The following B3GALT1 variants were observed in gnomAD, a reference collection of about 807,000 sequenced individuals.
The protein encoded by B3GALT1 is UDP-Gal:betaGlcNAc beta 1,3-galactosyltransferase, polypeptide 1.
In B3GALT1, 10 loss-of-function variants were observed where a neutral mutation model predicts 23.2. That is an observed-to-expected ratio of 0.43 (90% CI 0.27 to 0.73). The LOEUF (loss-of-function observed/expected upper bound fraction) is 0.73, where lower values mean the gene tolerates loss of function less well. B3GALT1 is among the 30% of genes least tolerant of loss of function. The pLI is 0.21. For missense variants in B3GALT1, 299 were observed against 405.4 expected, an observed-to-expected ratio of 0.74 and a Z score of 2.25; for synonymous variants, 156 against 141.5, an observed-to-expected ratio of 1.10 and a Z score of -0.73.
chr2:167,574,115 AG>A (rs1558911743), intron 2 of B3GALT1, among the ~76,000 whole-genome samples: 1 of 151,694 alleles, frequency 6.6e-6, no homozygotes, highest in Non-Finnish European at 1.5e-5. Flanking sequence ...TCAGGATATA[AG>A]AAAGAATATA....
At chr2:167,474,786 A>G (rs1443362367) in intron 1 of B3GALT1, among the ~76,000 whole-genome samples, 4 of 152,110 alleles carry the variant, frequency 2.6e-5, no homozygotes, top group Non-Finnish European at 5.9e-5. Flanking sequence ...CTAAAATTTG[A>G]TGTGATTTTT....
intron 1 of B3GALT1, among the ~76,000 whole-genome samples, chr2:167,422,480 A>G (rs1047852721): frequency 8.5e-5 from 13 of 152,206 alleles, no homozygotes; most frequent in African/African-American, 2.9e-4. Context: ...TTGCTGAAGC[A>G]TGGTTACATA....
rs868278675 is a variant in B3GALT1, at chr2:167,805,016, A to G, written c.-351-13656A>G. Among the ~76,000 whole-genome samples the G allele has an allele frequency of 2.7e-3, 407 of 152,278 alleles. 1 individual carries two copies. Among genetic ancestry groups the G allele is most frequent in the African/African-American group, 9.2e-3 (383 of 41,544 alleles). ...GTTTCCTGACTTTTTAATGATCACC[A>G]TTCTAACTGGTGTGAGATGGTATCT... is the stretch of plus-strand genomic sequence containing the variant. On this transcript the variant is annotated intron_variant, in intron 3 of 4. Coordinates refer to ENST00000392690, the MANE Select transcript of B3GALT1 (RefSeq NM_020981.4).
chr2:167,803,255 C>T (rs1688676133), intron 3 of B3GALT1, among the ~76,000 whole-genome samples: 1 of 152,148 alleles, frequency 6.6e-6, no homozygotes, highest in East Asian at 1.9e-4. Flanking sequence ...AATGGGTCAT[C>T]ATTTAATTTT....
intron 1 of B3GALT1, among the ~76,000 whole-genome samples, chr2:167,489,614 A>G (rs1699676555): frequency 6.6e-6 from 1 of 152,174 alleles, no homozygotes; most frequent in Non-Finnish European, 1.5e-5. Flanking sequence ...GGCAGAACAC[A>G]CTTTTTCACT....
intron 2 of B3GALT1, among the ~76,000 whole-genome samples, chr2:167,523,535 C>T (rs1256821098): frequency 6.6e-6 from 1 of 152,002 alleles, no homozygotes; most frequent in East Asian, 1.9e-4. Context: ...AAGCAATTCT[C>T]CTGCCTCAGC....
intron 3 of B3GALT1, among the ~76,000 whole-genome samples, chr2:167,670,694 C>G (rs1347604107): frequency 6.6e-6 from 1 of 151,928 alleles, no homozygotes; most frequent in Non-Finnish European, 1.5e-5. Context: ...TGATGTCTAA[C>G]AAGATAGAAA....
At chr2:167,421,717 A>G (rs1044824053) in intron 1 of B3GALT1, among the ~76,000 whole-genome samples, 1 of 152,210 alleles carries the variant, frequency 6.6e-6, no homozygotes, top group African/African-American at 2.4e-5. Context: ...ACTAAATTGC[A>G]TATGCAGTTC....
intron 1 of B3GALT1, among the ~76,000 whole-genome samples, chr2:167,456,280 G>T (rs1004161081): frequency 2.0e-5 from 3 of 152,076 alleles, no homozygotes; most frequent in African/African-American, 7.2e-5. Context: ...ATCAGTTTTT[G>T]CATGAACTAA....
intron 3 of B3GALT1, among the ~76,000 whole-genome samples, chr2:167,770,933 G>T (rs534320132): frequency 2.6e-5 from 4 of 152,094 alleles, no homozygotes; most frequent in African/African-American, 9.7e-5. Flanking sequence ...CTCCATTTTC[G>T]ATAGCAGCTA....
chr2:167,538,145 C>A lies in B3GALT1; in HGVS notation c.-410+47868C>A, dbSNP rs373721664. Among the ~76,000 whole-genome samples the A allele has an allele frequency of 3.7e-4, 56 of 152,168 alleles. No homozygotes were observed. In the South Asian group the frequency reaches 0.011, roughly 30 times the overall value. On this transcript the variant is annotated intron_variant, in intron 2 of 4. Transcript: ENST00000392690. ...GCCCTGGATCCTTGTTCTAAAGTCACCTGTTCCCCCAGCGTATTACTTTGT... is the reference window on the plus strand; with the variant it reads ...GCCCTGGATCCTTGTTCTAAAGTCAACTGTTCCCCCAGCGTATTACTTTGT...
intron 1 of B3GALT1, among the ~76,000 whole-genome samples, chr2:167,477,467 T>G (rs1699503622): frequency 6.6e-6 from 1 of 152,050 alleles, no homozygotes; most frequent in South Asian, 2.1e-4. Flanking sequence ...AGAATAAAAT[T>G]AGGTGATTAG....
chr2:167,597,151 T>G (rs1684789063), intron 2 of B3GALT1, among the ~76,000 whole-genome samples: 2 of 150,936 alleles, frequency 1.3e-5, no homozygotes, highest in African/African-American at 4.9e-5. Context: ...AGCCTCTCTC[T>G]GTCGCCCAGG....
chr2:167,777,286 T>C (rs1335663770), intron 3 of B3GALT1, among the ~76,000 whole-genome samples: 1 of 152,236 alleles, frequency 6.6e-6, no homozygotes, highest in Non-Finnish European at 1.5e-5. Flanking sequence ...TTATGAATGA[T>C]CATTATGAAG....
intron 4 of B3GALT1, among the ~76,000 whole-genome samples, chr2:167,825,001 T>A (rs978772902): frequency 2.0e-5 from 3 of 151,290 alleles, no homozygotes; most frequent in East Asian, 1.9e-4. Flanking sequence ...GAAAAAAAAA[T>A]TGCATAGAAA....
At chr2:167,469,237 T>C (rs1037763065) in intron 1 of B3GALT1, among the ~76,000 whole-genome samples, 1 of 152,208 alleles carries the variant, frequency 6.6e-6, no homozygotes, top group Non-Finnish European at 1.5e-5. Context: ...TGCCACCTCT[T>C]GCTAGCTAAG....
intron 2 of B3GALT1, among the ~76,000 whole-genome samples, chr2:167,537,420 G>C (rs566349432): frequency 9.2e-5 from 14 of 152,142 alleles, no homozygotes; most frequent in Non-Finnish European, 1.8e-4. Context: ...TATATGTGCT[G>C]TATGTTTCTG....
chr2:167,701,477 C>G (rs16854073), intron 3 of B3GALT1, among the ~76,000 whole-genome samples: 3,502 of 152,088 alleles, frequency 0.023, 124 homozygotes, highest in African/African-American at 0.08. Flanking sequence ...ATAAAGATAC[C>G]TATGATGGTC....
chr2:167,324,116 C>T (rs1407197260), intron 1 of B3GALT1, among the ~76,000 whole-genome samples: 1 of 151,938 alleles, frequency 6.6e-6, no homozygotes, highest in Non-Finnish European at 1.5e-5. Flanking sequence ...CTACATTATT[C>T]TGGTTGGAAA....
Sources: allele counts gnomAD v4.1 joint callset (sites outside exome capture counted in the v4.1 genomes callset), GRCh38; gene constraint gnomAD v4.1.1; transcripts MANE v1.5; gene names NCBI Gene and HGNC (gene_info 2026-07-23, HGNC 2026-07-21).